Variants in DLGAP2 observed in about 807,000 individuals in gnomAD.
DLGAP2 encodes the protein disks large-associated protein 2.
A neutral mutation model predicts 100.3 loss-of-function variants in DLGAP2; 26 were observed. That is an observed-to-expected ratio of 0.26 (90% CI 0.19 to 0.36). The LOEUF (loss-of-function observed/expected upper bound fraction) is 0.36. Among genes scored for constraint, DLGAP2 ranks in the 10% least tolerant of loss-of-function variants. The pLI is 1.00. For synonymous variants in DLGAP2, 886 were observed against 630.1 expected (o/e 1.41, Z -6.08); for missense variants, 1,858 against 1,453.2 (o/e 1.28, Z -4.53).
chr8:1,568,712 C>T (rs71499019), intron 6 of DLGAP2, among the ~76,000 whole-genome samples: 9 of 106,294 alleles, frequency 8.5e-5, no homozygotes, highest in Admixed American at 2.0e-4. Flanking sequence ...CATGCCACTG[C>T]CCACTCAGCA....
intron 4 of DLGAP2, among the ~76,000 whole-genome samples, chr8:1,523,137 A>G (rs1257080474): frequency 6.6e-6 from 1 of 152,162 alleles, no homozygotes; most frequent in African/African-American, 2.4e-5. Context: ...CACGCGTATG[A>G]TAAGTTCTGG....
intron 2 of DLGAP2, among the ~76,000 whole-genome samples, chr8:1,193,726 G>A (rs1275511324): frequency 6.6e-6 from 1 of 152,056 alleles, no homozygotes; most frequent in African/African-American, 2.4e-5. Flanking sequence ...GAGACTCCCG[G>A]ACAGCATCCG....
intron 2 of DLGAP2, among the ~76,000 whole-genome samples, chr8:983,636 T>G (rs1175602116): frequency 6.6e-6 from 1 of 152,046 alleles, no homozygotes; most frequent in Admixed American, 6.5e-5. Context: ...TTTATTTTAA[T>G]TTTTTTTAAT....
chr8:877,273 G>A (rs1257742550), intron 1 of DLGAP2, among the ~76,000 whole-genome samples: 1 of 152,160 alleles, frequency 6.6e-6, no homozygotes, highest in Non-Finnish European at 1.5e-5. Context: ...GCCAGTGATA[G>A]TGGTCCTTCC....
intron 2 of DLGAP2, among the ~76,000 whole-genome samples, chr8:1,204,218 T>C (rs1797943116): frequency 6.6e-6 from 1 of 152,238 alleles, no homozygotes; most frequent in Admixed American, 6.5e-5. Flanking sequence ...TTTTATCTGC[T>C]CCTACTGTGT....
At chr8:866,077 C>G (rs985912709) in intron 1 of DLGAP2, among the ~76,000 whole-genome samples, 1 of 152,100 alleles carries the variant, frequency 6.6e-6, no homozygotes, top group African/African-American at 2.4e-5. Flanking sequence ...TGTTTCGGAG[C>G]CATGGTGCTT....
intron 3 of DLGAP2, among the ~76,000 whole-genome samples, chr8:1,392,239 A>T (rs1389904735): frequency 6.6e-6 from 1 of 152,140 alleles, no homozygotes; most frequent in African/African-American, 2.4e-5. Flanking sequence ...AGTGGACGTG[A>T]GGATGAGTCA....
chr8:1,303,947 C>T (rs1011782470), intron 3 of DLGAP2, among the ~76,000 whole-genome samples: 2 of 152,176 alleles, frequency 1.3e-5, no homozygotes, highest in Admixed American at 6.5e-5. Flanking sequence ...CGCTGATGCA[C>T]TCTCACAGAA....
intron 2 of DLGAP2, among the ~76,000 whole-genome samples, chr8:1,114,755 C>G (rs1440846623): frequency 1.3e-5 from 2 of 151,550 alleles, no homozygotes; most frequent in Non-Finnish European, 2.9e-5. Context: ...TTGATTTGTT[C>G]TTGCTTCTCC....
chr8:776,408 G>A (rs555631826), intron 1 of DLGAP2, among the ~76,000 whole-genome samples: 6 of 151,910 alleles, frequency 3.9e-5, no homozygotes, highest in African/African-American at 1.5e-4. Context: ...GAATGTGTTT[G>A]CTCTTGCTTT....
intron 1 of DLGAP2, among the ~76,000 whole-genome samples, chr8:787,896 T>C (rs922816909): frequency 6.6e-6 from 1 of 152,172 alleles, no homozygotes; most frequent in African/African-American, 2.4e-5. Flanking sequence ...GTTCCTCTAA[T>C]TTTCACCAAA....
chr8:1,162,887 C>T (rs1428269753), intron 2 of DLGAP2, among the ~76,000 whole-genome samples: 1 of 152,176 alleles, frequency 6.6e-6, no homozygotes, highest in African/African-American at 2.4e-5. Context: ...GAAGAGGGTG[C>T]TGGGCTGGGG....
Position 1,097,233 on chromosome 8 carries a change from A to G in DLGAP2, c.74-161618A>G, listed in dbSNP as rs1282507921. On this transcript the variant is annotated intron_variant, in intron 2 of 14. Coordinates refer to ENST00000637795, the MANE Select transcript of DLGAP2 (RefSeq NM_001346810.2). ...AGGGCAGGCCTTCACCCTCTGTGGCATGGAGAGGTCCCCTCCAGCGTGAGA... is the reference window on the plus strand; with the variant it reads ...AGGGCAGGCCTTCACCCTCTGTGGCGTGGAGAGGTCCCCTCCAGCGTGAGA... Among the ~76,000 whole-genome samples, 3 of 129,970 alleles carry G rather than the reference A, an allele frequency of 2.3e-5. 1 individual carries two copies. Among genetic ancestry groups the G allele is most frequent in the African/African-American group, 9.4e-5 (3 of 31,822 alleles). 85.3% of individuals were successfully genotyped at this position (129,970 alleles called of 152,430 possible). A position where few individuals can be genotyped will look rare whatever the true frequency, so the allele number is the denominator to read the frequency against.
chr8:1,409,039 G>T (rs1015433249), intron 3 of DLGAP2, among the ~76,000 whole-genome samples: 1 of 152,226 alleles, frequency 6.6e-6, no homozygotes, highest in African/African-American at 2.4e-5. Context: ...CTCAGTTCCA[G>T]AATGTGGACC....
At chr8:1,211,163 G>A (rs1009617662) in intron 2 of DLGAP2, among the ~76,000 whole-genome samples, 1 of 152,206 alleles carries the variant, frequency 6.6e-6, no homozygotes, top group African/African-American at 2.4e-5. Context: ...ATGTGAACAG[G>A]CTGCGTTCAG....
chr8:932,067 A>G (rs1765803832), intron 2 of DLGAP2, among the ~76,000 whole-genome samples: 1 of 152,210 alleles, frequency 6.6e-6, no homozygotes, highest in South Asian at 2.1e-4. Context: ...CAGCACAAAC[A>G]TGTACTGTAA....
intron 3 of DLGAP2, among the ~76,000 whole-genome samples, chr8:1,310,527 A>G (rs990746937): frequency 1.3e-5 from 2 of 152,236 alleles, no homozygotes; most frequent in African/African-American, 4.8e-5. Context: ...CCACCTGACA[A>G]CAGTGGAAAT....
At chr8:783,953 T>C (rs535857144) in intron 1 of DLGAP2, among the ~76,000 whole-genome samples, 1 of 152,346 alleles carries the variant, frequency 6.6e-6, no homozygotes, top group South Asian at 2.1e-4. Flanking sequence ...TAATTGTTAA[T>C]GGTAAGTGCT....
At chr8:1,275,101 A>G (rs572279383) in intron 3 of DLGAP2, among the ~76,000 whole-genome samples, 10 of 152,268 alleles carry the variant, frequency 6.6e-5, no homozygotes, top group African/African-American at 1.9e-4. Context: ...AGGACCTGCA[A>G]TTTAATTTCG....
Sources: allele counts gnomAD v4.1 joint callset (sites outside exome capture counted in the v4.1 genomes callset), GRCh38; gene constraint gnomAD v4.1.1; transcripts MANE v1.5; gene names NCBI Gene and HGNC (gene_info 2026-07-23, HGNC 2026-07-21).